SGCZ: variants seen among roughly 807,000 people sequenced by gnomAD.
The protein encoded by SGCZ is sarcoglycan zeta, also known as zeta-sarcoglycan.
SGCZ carries 40 observed loss-of-function variants against 41.3 expected under a neutral mutation model. That is an observed-to-expected ratio of 0.97 (90% CI 0.75 to 1.26). SGCZ has a LOEUF of 1.26. SGCZ is among the 50% of genes most tolerant of loss of function. SGCZ has a pLI of 0.00. For missense variants in SGCZ, 552 were observed against 369.8 expected (o/e 1.49, Z -4.04); for synonymous variants, 206 against 137.5 (o/e 1.50, Z -3.49).
intron 4 of SGCZ, among the ~76,000 whole-genome samples, chr8:14,230,271 A>T (rs1806514907): frequency 6.6e-6 from 1 of 152,156 alleles, no homozygotes; most frequent in African/African-American, 2.4e-5. Context: ...ACACAAGGCA[A>T]CTAAATCCCA....
chr8:14,954,748 G>A (rs1023042704), intron 1 of SGCZ, among the ~76,000 whole-genome samples: 1 of 152,082 alleles, frequency 6.6e-6, no homozygotes, highest in African/African-American at 2.4e-5. Flanking sequence ...TGAGCCTTAG[G>A]TGAGACTCCA....
intron 2 of SGCZ, among the ~76,000 whole-genome samples, chr8:14,510,394 GT>G (rs1802434578): frequency 6.6e-6 from 1 of 151,546 alleles, no homozygotes; most frequent in African/African-American, 2.4e-5. Flanking sequence ...ATGTATAAAG[GT>G]TTTCCAATTT....
At chr8:15,174,006 G>C (rs1799928996) in intron 1 of SGCZ, among the ~76,000 whole-genome samples, 1 of 152,142 alleles carries the variant, frequency 6.6e-6, no homozygotes, top group African/African-American at 2.4e-5. Flanking sequence ...ACAGGTGTGA[G>C]CCACTGCACC....
At chr8:14,863,526 A>C (rs1410386914) in intron 1 of SGCZ, among the ~76,000 whole-genome samples, 2 of 152,026 alleles carry the variant, frequency 1.3e-5, no homozygotes, top group Non-Finnish European at 2.9e-5. Flanking sequence ...AATTTCAAAT[A>C]AGTGCCTGAG....
intron 1 of SGCZ, among the ~76,000 whole-genome samples, chr8:14,574,982 A>C (rs368759466): frequency 2.6e-5 from 4 of 152,324 alleles, no homozygotes; most frequent in African/African-American, 9.6e-5. Context: ...GTTTTCATTA[A>C]AAGAGGATGG....
chr8:15,047,123 G>T (rs1804335258), intron 1 of SGCZ, among the ~76,000 whole-genome samples: 2 of 151,824 alleles, frequency 1.3e-5, no homozygotes, highest in Non-Finnish European at 2.9e-5. Context: ...TCCTTACCTT[G>T]GGTATATGCA....
chr8:14,890,118 G>A (rs1376119051), intron 1 of SGCZ, among the ~76,000 whole-genome samples: 3 of 152,034 alleles, frequency 2.0e-5, no homozygotes, highest in African/African-American at 7.2e-5. Flanking sequence ...TCGGGAGGCT[G>A]AGGCAGGTGA....
intron 2 of SGCZ, among the ~76,000 whole-genome samples, chr8:14,462,541 C>T (rs1489675793): frequency 2.0e-5 from 3 of 151,860 alleles, no homozygotes; most frequent in African/African-American, 7.2e-5. Flanking sequence ...TCTTTCTGTA[C>T]CAGTTTTTAA....
chr8:14,372,291 G>A (rs75610681), intron 2 of SGCZ, among the ~76,000 whole-genome samples: 3,035 of 152,192 alleles, frequency 0.02, 82 homozygotes, highest in African/African-American at 0.056. Context: ...AAGGTTTTAT[G>A]GAGAATGTGT....
intron 1 of SGCZ, among the ~76,000 whole-genome samples, chr8:14,922,410 T>A (rs1799614578): frequency 2.0e-5 from 3 of 152,170 alleles, no homozygotes; most frequent in Admixed American, 1.3e-4. Flanking sequence ...AAACAGTGAT[T>A]CGAGTGAATA....
intron 1 of SGCZ, among the ~76,000 whole-genome samples, chr8:14,662,832 C>G (rs944601725): frequency 3.3e-5 from 5 of 152,072 alleles, no homozygotes; most frequent in Admixed American, 1.3e-4. Flanking sequence ...CTGAGAGATG[C>G]AACAGGAGAA....
chr8:14,167,198 A>G (rs934964041), intron 4 of SGCZ, among the ~76,000 whole-genome samples: 3 of 152,170 alleles, frequency 2.0e-5, no homozygotes, highest in Non-Finnish European at 4.4e-5. Context: ...AGGCTTTATG[A>G]AACTGATTTT....
intron 2 of SGCZ, among the ~76,000 whole-genome samples, chr8:14,467,438 T>C (rs926021102): frequency 6.6e-6 from 1 of 152,016 alleles, no homozygotes; most frequent in African/African-American, 2.4e-5. Context: ...AAATCTCTTA[T>C]ATTTGGAGGA....
intron 1 of SGCZ, among the ~76,000 whole-genome samples, chr8:15,034,198 T>A (rs1803788562): frequency 6.6e-6 from 1 of 151,712 alleles, no homozygotes; most frequent in Admixed American, 6.6e-5. Context: ...TTCAAGAAAA[T>A]ACAAAGAAAC....
At chr8:14,583,241 G>A (rs1307809858) in intron 1 of SGCZ, among the ~76,000 whole-genome samples, 1 of 151,120 alleles carries the variant, frequency 6.6e-6, no homozygotes, top group East Asian at 1.9e-4. Context: ...GTTTTGATGT[G>A]CATTTCTCTG....
intron 2 of SGCZ, among the ~76,000 whole-genome samples, chr8:14,473,438 C>T (rs1399951264): frequency 4.0e-5 from 6 of 151,780 alleles, no homozygotes; most frequent in Non-Finnish European, 8.8e-5. Context: ...CACCATCAAC[C>T]CTAGAATAAA....
chr8:15,048,591 C>A (rs1400216414), intron 1 of SGCZ, among the ~76,000 whole-genome samples: 1 of 151,972 alleles, frequency 6.6e-6, no homozygotes, highest in East Asian at 1.9e-4. Flanking sequence ...ATCACATGCA[C>A]CCCATAGATA....
intron 1 of SGCZ, among the ~76,000 whole-genome samples, chr8:15,182,440 T>C (rs1350522212): frequency 1.3e-5 from 2 of 152,172 alleles, no homozygotes; most frequent in Non-Finnish European, 2.9e-5. Flanking sequence ...GAATAAATGG[T>C]ACAGCCTATT....
intron 4 of SGCZ, among the ~76,000 whole-genome samples, chr8:14,175,017 C>T (rs1804500530): frequency 6.6e-6 from 1 of 152,004 alleles, no homozygotes; most frequent in Non-Finnish European, 1.5e-5. Context: ...ATTTTTATTG[C>T]CAAATAAGAA....
Sources: allele counts gnomAD v4.1 joint callset (sites outside exome capture counted in the v4.1 genomes callset), GRCh38; gene constraint gnomAD v4.1.1; transcripts MANE v1.5; gene names NCBI Gene and HGNC (gene_info 2026-07-23, HGNC 2026-07-21).